Variants in ETV1 observed in about 807,000 individuals in gnomAD.
ETV1 encodes ETS variant transcription factor 1.
A neutral mutation model predicts 62.3 loss-of-function variants in ETV1; 27 were observed. The observed-to-expected ratio is 0.43, with a 90% CI of 0.32 to 0.60. The LOEUF is 0.60. ETV1 is among the 20% of genes least tolerant of loss of function. ETV1 has a pLI of 0.06. For missense variants in ETV1, 605 were observed against 605.8 expected, an observed-to-expected ratio of 1.00 and a Z score of 0.01; for synonymous variants, 222 against 199.6, an observed-to-expected ratio of 1.11 and a Z score of -0.94.
intron 6 of ETV1, among the ~76,000 whole-genome samples, chr7:13,959,635 G>A (rs549720041): frequency 6.6e-6 from 1 of 152,154 alleles, no homozygotes; most frequent in African/African-American, 2.4e-5. Context: ...TGTAATCCCA[G>A]CACTTTGCAA....
intron 6 of ETV1, among the ~76,000 whole-genome samples, chr7:13,953,333 A>T (rs1390610348): frequency 6.6e-6 from 1 of 152,212 alleles, no homozygotes; most frequent in East Asian, 1.9e-4. Flanking sequence ...TGAATATTGA[A>T]ACACCTCTTC....
chr7:13,891,752 C>G lies in ETV1; in HGVS notation c.*4114G>C, dbSNP rs946769319. On this transcript the variant is annotated 3_prime_UTR_variant, in exon 14 of 14. Transcript: ENST00000430479. Reference sequence around the variant, plus strand: ...AGAATTGCTTAATATGTACATTTGCCTTCTTTATATTTTTTCCACCATCAC... The same window carrying G: ...AGAATTGCTTAATATGTACATTTGCGTTCTTTATATTTTTTCCACCATCAC... The G allele has an allele frequency of 3.0e-5, 7 of 231,672 alleles. No homozygotes were observed. The highest frequency in any genetic ancestry group is 4.3e-5 in the Non-Finnish European group (5 of 117,300). The allele number at this position is 231,672 out of a possible 1,614,324, so 14.4% of individuals were successfully genotyped here. A position where few individuals can be genotyped will look rare whatever the true frequency, so the allele number is the denominator to read the frequency against.
chr7:13,895,934 T>G lies in ETV1; in HGVS notation c.1366A>C (p.Ser456Arg). Reference sequence around the variant, plus strand: ...CCCCCTTCCGGCATGTAGGCCATGCTCTCATCAAAGTGAGAAAGAGGCACT... The same window carrying G: ...CCCCCTTCCGGCATGTAGGCCATGCGCTCATCAAAGTGAGAAAGAGGCACT... ...DTVPLSHFDE[S>R]MAYMPEGGCC... is the part of the protein sequence containing the mutation. The change falls in exon 14 of 14, where the codon AGC becomes CGC. Residue 456 changes from serine to arginine, a missense_variant. This residue lies in a region of ETV1 where 79 missense variants were observed against 71.6 expected (regional missense o/e 1.10). Transcript: ENST00000430479. The G allele has an allele frequency of 6.2e-7, 1 of 1,613,810 alleles. No homozygotes were observed. The highest frequency in any genetic ancestry group is 8.5e-7 in the Non-Finnish European group (1 of 1,179,836).
chr7:13,986,565 A>T, intron 5 of ETV1, 73 bp downstream of exon 5: 1 of 1,599,562 alleles, frequency 6.3e-7, no homozygotes, highest in Non-Finnish European at 8.5e-7. Flanking sequence ...ATATTAAGAC[A>T]GCAAGTTCAG....
intron 3 of ETV1, 62 bp from the exon 4 acceptor site, chr7:13,988,235 C>T: frequency 1.1e-6 from 1 of 918,068 alleles, no homozygotes; most frequent in Non-Finnish European, 1.7e-6. Context: ...CACACGCACA[C>T]GCGCGCGCAC....
intron 7 of ETV1, 35 bp downstream of exon 7, chr7:13,939,082 C>T: frequency 1.3e-6 from 2 of 1,587,290 alleles, no homozygotes; most frequent in South Asian, 2.3e-5. Flanking sequence ...TCAATAAGAA[C>T]CACTATCCTA....
At chr7:13,919,565 TACACACACACACAC>T (rs35735011) in intron 9 of ETV1, among the ~76,000 whole-genome samples, 3,321 of 135,470 alleles carry the variant, frequency 0.025, 37 homozygotes, top group Middle Eastern at 0.046. Context: ...ATAGAAACCA[TACACACACACACAC>T]ACACACACAC....
intron 6 of ETV1, among the ~76,000 whole-genome samples, chr7:13,939,946 T>G (rs752604056): frequency 3.9e-5 from 6 of 152,254 alleles, no homozygotes; most frequent in African/African-American, 4.8e-5. Context: ...TACTGTGACT[T>G]AATGCACAGT....
At chr7:13,957,322 G>A (rs111428964) in intron 6 of ETV1, among the ~76,000 whole-genome samples, 4,418 of 152,114 alleles carry the variant, frequency 0.029, 73 homozygotes, top group Middle Eastern at 0.051. Context: ...TCCTGACCTC[G>A]TGATTTGCCC....
At chr7:13,912,080 G>C (rs1783621737) in intron 9 of ETV1, among the ~76,000 whole-genome samples, 1 of 152,186 alleles carries the variant, frequency 6.6e-6, no homozygotes, top group African/African-American at 2.4e-5. Context: ...TTGAACTAAT[G>C]TTGACACCCT....
intron 9 of ETV1, among the ~76,000 whole-genome samples, chr7:13,912,387 T>C (rs1206932279): frequency 1.3e-5 from 2 of 152,224 alleles, no homozygotes; most frequent in Non-Finnish European, 2.9e-5. Context: ...TGAGATCTGA[T>C]GGATAATTTC....
intron 6 of ETV1, among the ~76,000 whole-genome samples, chr7:13,943,224 G>A (rs557454198): frequency 1.3e-5 from 2 of 152,236 alleles, no homozygotes; most frequent in Non-Finnish European, 2.9e-5. Flanking sequence ...AAATCGGAAC[G>A]ACAACAAAAT....
intron 7 of ETV1, among the ~76,000 whole-genome samples, chr7:13,936,716 T>G (rs1786841962): frequency 6.6e-6 from 1 of 152,196 alleles, no homozygotes; most frequent in African/African-American, 2.4e-5. Context: ...TAAATTTTTT[T>G]TAACAACAGG....
intron 12 of ETV1, among the ~76,000 whole-genome samples, chr7:13,901,655 A>G (rs1038414902): frequency 2.0e-5 from 3 of 152,210 alleles, no homozygotes; most frequent in Non-Finnish European, 4.4e-5. Context: ...AGGAAACAGT[A>G]CACAAATTAA....
intron 9 of ETV1, among the ~76,000 whole-genome samples, chr7:13,914,618 TAA>T (rs77923443): frequency 0.083 from 9,885 of 118,888 alleles, 441 homozygotes; most frequent in African/African-American, 0.14. Flanking sequence ...GACAAGAAAC[TAA>T]AAAAAAAAAA....
intron 6 of ETV1, among the ~76,000 whole-genome samples, chr7:13,955,737 C>A (rs1194837060): frequency 6.6e-6 from 1 of 152,098 alleles, no homozygotes; most frequent in Non-Finnish European, 1.5e-5. Flanking sequence ...ATTTCCATAC[C>A]TAGAGGATGT....
chr7:13,927,703 T>C (rs1785593078), intron 9 of ETV1, among the ~76,000 whole-genome samples: 1 of 152,218 alleles, frequency 6.6e-6, no homozygotes, highest in Admixed American at 6.5e-5. Flanking sequence ...CATATACATA[T>C]GTGTCAACTT....
chr7:13,970,603 C>T (rs898840031), intron 6 of ETV1, among the ~76,000 whole-genome samples: 1 of 151,966 alleles, frequency 6.6e-6, no homozygotes, highest in African/African-American at 2.4e-5. Context: ...TAAAAGCAGT[C>T]AGAAAAACGA....
intron 9 of ETV1, among the ~76,000 whole-genome samples, chr7:13,930,006 G>A (rs1242111687): frequency 6.6e-6 from 1 of 152,086 alleles, no homozygotes; most frequent in Non-Finnish European, 1.5e-5. Flanking sequence ...ACTCAGCAGA[G>A]GACGCAATAC....
Sources: gnomAD v4.1 joint callset for allele counts (sites outside exome capture counted in the v4.1 genomes callset) on GRCh38, gnomAD v4.1.1 for gene constraint, gnomAD v4.1.1 regional missense constraint, MANE v1.5 for transcripts, NCBI Gene and HGNC (gene_info 2026-07-23, HGNC 2026-07-21) for gene names.